Variants in PDE1C observed in about 807,000 individuals in gnomAD.
PDE1C encodes phosphodiesterase 1C, also known as dual specificity calcium/calmodulin-dependent 3',5'-cyclic nucleotide phosphodiesterase 1C.
A neutral mutation model predicts 93.1 loss-of-function variants in PDE1C; 62 were observed. That is an observed-to-expected ratio of 0.67 (90% CI 0.54 to 0.82). PDE1C has a LOEUF of 0.82. PDE1C is among the 40% of genes least tolerant of loss of function. The pLI is 0.00. For synonymous variants in PDE1C, 325 were observed against 310.1 expected (o/e 1.05, Z -0.50); for missense variants, 742 against 884.6 (o/e 0.84, Z 2.04).
chr7:31,656,765 A>G, the PDE1C span, among the ~76,000 whole-genome samples: 4,851 of 152,254 alleles, frequency 0.032, 284 homozygotes, highest in African/African-American at 0.11. Context: ...AGAAAAGACC[A>G]TTTATTATTT....
intron 6 of PDE1C, among the ~76,000 whole-genome samples, chr7:31,869,210 G>A (rs984442121): frequency 6.6e-6 from 1 of 151,824 alleles, no homozygotes; most frequent in African/African-American, 2.4e-5. Context: ...ATGTAAGAAA[G>A]GACATACAAC....
the PDE1C span, chr7:31,652,098 G>A: frequency 7.0e-6 from 9 of 1,291,018 alleles, 1 homozygote; most frequent in South Asian, 6.4e-5. Context: ...CCTACCACAG[G>A]AGAGGTGCAT....
rs184172010 is a variant in PDE1C at position 31,984,723 on chromosome 7, T to C, written c.128+66831A>G. ...AATTCCTGAGGAAGGTCCCCTTTGA[T>C]GGAGTAATCTTTTAAAAATTTATTC... On this transcript the variant is annotated intron_variant, in intron 2 of 17. Transcript: ENST00000396191. Among the ~76,000 whole-genome samples, 358 of 152,332 alleles carry C rather than the reference T, an allele frequency of 2.4e-3. 1 individual carries two copies. The highest frequency in any genetic ancestry group is 8.3e-3 in the African/African-American group (344 of 41,576).
intron 1 of PDE1C, among the ~76,000 whole-genome samples, chr7:32,411,172 C>T (rs1370994100): frequency 6.6e-6 from 1 of 152,178 alleles, no homozygotes; most frequent in Admixed American, 6.5e-5. Context: ...TCACATGGTT[C>T]ACCAGGATAG....
chr7:31,626,892 T>C, the PDE1C span, among the ~76,000 whole-genome samples: 6 of 152,216 alleles, frequency 3.9e-5, no homozygotes, highest in African/African-American at 9.6e-5. Context: ...AAATGTTTGT[T>C]TGTGGGATAA....
At position 32,126,879 on chromosome 7, in the gene PDE1C, A is replaced by C. The variant is rs561977415; in HGVS notation, c.308+42906T>G. 2.0e-5 allele frequency among the ~76,000 whole-genome samples: 3 copies of C among 152,306 alleles called. 1 individual carries two copies. The South Asian group carries it at 6.2e-4, about 32-fold the overall frequency. On this transcript the variant is annotated intron_variant, in intron 3 of 18. Transcript: ENST00000396193. ...TTGAAGATAATTGAGGCAATGTGAC[A>C]GTTAATTTTGTGTGTCAATGTGACT...
the PDE1C span, among the ~76,000 whole-genome samples, chr7:31,636,599 C>CTGGGAG: frequency 3.9e-5 from 6 of 152,104 alleles, no homozygotes; most frequent in Non-Finnish European, 8.8e-5. Flanking sequence ...CCTATATAGT[C>CTGGGAG]TGGGAGTGGG....
At chr7:32,126,201 CTAGA>C (rs5883326) in intron 3 of PDE1C, among the ~76,000 whole-genome samples, 5,730 of 146,948 alleles carry the variant, frequency 0.039, 207 homozygotes, top group African/African-American at 0.092. Context: ...ATCCACTATT[CTAGA>C]TAGATAGATA....
At chr7:32,299,272 G>C in exon 1 of PDE1C, 1 of 986,970 alleles carries the variant, frequency 1.0e-6, no homozygotes, top group Non-Finnish European at 1.2e-6. Flanking sequence ...TCAACAGATG[G>C]AAAGGCAAAC....
chr7:32,189,012 A>G (rs945759343), intron 2 of PDE1C, among the ~76,000 whole-genome samples: 1 of 152,204 alleles, frequency 6.6e-6, no homozygotes, highest in Admixed American at 6.5e-5. Context: ...ATGGGACTCA[A>G]CCTGCTTCAA....
chr7:32,206,640 C>A (rs542950247), intron 2 of PDE1C, among the ~76,000 whole-genome samples: 3 of 152,282 alleles, frequency 2.0e-5, no homozygotes, highest in Admixed American at 6.5e-5. Context: ...GGCTACGATG[C>A]GGTACCCACA....
intron 2 of PDE1C, among the ~76,000 whole-genome samples, chr7:31,886,860 AGATCTATTCG>A (rs1341084583): frequency 2.6e-5 from 4 of 150,968 alleles, no homozygotes; most frequent in African/African-American, 9.9e-5. Flanking sequence ...TTTTCAGAAT[AGATCTATTCG>A]GATCTATTCA....
At chr7:32,427,307 C>T (rs942824310) in intron 1 of PDE1C, among the ~76,000 whole-genome samples, 1 of 152,116 alleles carries the variant, frequency 6.6e-6, no homozygotes, top group African/African-American at 2.4e-5. Context: ...GAGTATCTTG[C>T]CCAAGATCGC....
At chr7:31,661,615 A>C in the PDE1C span, among the ~76,000 whole-genome samples, 1 of 152,154 alleles carries the variant, frequency 6.6e-6, no homozygotes, top group East Asian at 1.9e-4. Context: ...TGGGAGGCTG[A>C]GGTAGGAGAA....
At chr7:32,138,357 T>A (rs1800323907) in intron 3 of PDE1C, among the ~76,000 whole-genome samples, 2 of 152,188 alleles carry the variant, frequency 1.3e-5, no homozygotes, top group Non-Finnish European at 2.9e-5. Context: ...GAAAGGGATA[T>A]TCCAATATGA....
chr7:31,922,894 T>A (rs148984933), intron 2 of PDE1C, among the ~76,000 whole-genome samples: 1 of 152,222 alleles, frequency 6.6e-6, no homozygotes, highest in Non-Finnish European at 1.5e-5. Context: ...CAACACAGTT[T>A]ATGACTATTG....
the PDE1C span, among the ~76,000 whole-genome samples, chr7:31,675,182 T>C: frequency 2.6e-5 from 4 of 152,200 alleles, no homozygotes; most frequent in African/African-American, 9.7e-5. Flanking sequence ...GTTGATTTTT[T>C]GGCCATGGCC....
chr7:31,833,000 C>A (rs1385051676), intron 11 of PDE1C, among the ~76,000 whole-genome samples: 1 of 152,178 alleles, frequency 6.6e-6, no homozygotes, highest in Non-Finnish European at 1.5e-5. Flanking sequence ...CACCCCAAAT[C>A]TCATCTTAAA....
chr7:32,313,544 A>C (rs1156327538), intron 1 of PDE1C, among the ~76,000 whole-genome samples: 2 of 152,086 alleles, frequency 1.3e-5, no homozygotes, highest in Non-Finnish European at 2.9e-5. Flanking sequence ...AAAATATGGC[A>C]CATATACACC....
Sources: allele counts gnomAD v4.1 joint callset (sites outside exome capture counted in the v4.1 genomes callset), GRCh38; gene constraint gnomAD v4.1.1; transcripts MANE v1.5; gene names NCBI Gene and HGNC (gene_info 2026-07-23, HGNC 2026-07-21).